The following HPD variants were observed in gnomAD, a reference collection of about 807,000 sequenced individuals.
The protein encoded by HPD is 4-hydroxyphenylpyruvic acid oxidase.
HPD carries 35 observed loss-of-function variants against 56.9 expected under a neutral mutation model. That is an observed-to-expected ratio of 0.62 (90% CI 0.47 to 0.82). The LOEUF is 0.82. Among genes scored for constraint, HPD ranks in the 40% least tolerant of loss-of-function variants. HPD has a pLI of 0.00. For missense variants in HPD, 442 were observed against 506.8 expected (o/e 0.87, Z 1.23); for synonymous variants, 186 against 200.2 (o/e 0.93, Z 0.60).
chr12:121,883,754 G>A, the HPD span, among the ~76,000 whole-genome samples: 5 of 150,136 alleles, frequency 3.3e-5, no homozygotes, highest in Non-Finnish European at 7.4e-5. Flanking sequence ...CCTAGGATCA[G>A]GGGATCCTCC....
rs571037595 is a variant in HPD at position 121,845,318 on chromosome 12, C to T, written c.832-1486G>A. On this transcript the variant is annotated intron_variant, in intron 11 of 13. Coordinates refer to ENST00000289004, the MANE Select transcript of HPD (RefSeq NM_002150.3). ...TTTTGTAAAGATGAGGTCTTATGGC[C>T]GGGCGCAGTGGCTCACACCTGTAAT... Among the ~76,000 whole-genome samples, 17 of 149,132 alleles carry T rather than the reference C, an allele frequency of 1.1e-4. No homozygotes were observed. The East Asian group carries it at 1.2e-3, about 10-fold the overall frequency.
chr12:121,878,398 G>T, the HPD span, among the ~76,000 whole-genome samples: 1 of 152,128 alleles, frequency 6.6e-6, no homozygotes, highest in South Asian at 2.1e-4. Context: ...GCCCAGGCTG[G>T]GGTATAGTGG....
upstream of HPD, among the ~76,000 whole-genome samples, chr12:121,867,798 A>G (rs2137647032): frequency 6.6e-6 from 1 of 152,170 alleles, no homozygotes; most frequent in Admixed American, 6.6e-5. Flanking sequence ...CTGGGATTAC[A>G]GGTGTCAGCC....
the HPD span, among the ~76,000 whole-genome samples, chr12:121,881,954 G>T: frequency 6.7e-6 from 1 of 149,976 alleles, no homozygotes; most frequent in Non-Finnish European, 1.5e-5. Flanking sequence ...CCTAATTTTC[G>T]TATTTTCATT....
chr12:121,847,368 T>C (rs1877623110), intron 9 of HPD, among the ~76,000 whole-genome samples, 154 bp from the exon 10 acceptor site: 1 of 152,066 alleles, frequency 6.6e-6, no homozygotes, highest in Non-Finnish European at 1.5e-5. Context: ...CTTTTTGTTG[T>C]TGTTGTTGCT....
chr12:121,881,138 C>T, the HPD span, among the ~76,000 whole-genome samples: 29 of 152,320 alleles, frequency 1.9e-4, no homozygotes, highest in Non-Finnish European at 1.9e-4. Context: ...CCACGCTCTG[C>T]CCAGGTACTA....
intron 12 of HPD, among the ~76,000 whole-genome samples, chr12:121,842,864 C>T (rs1877455902): frequency 6.6e-6 from 1 of 151,046 alleles, no homozygotes; most frequent in Non-Finnish European, 1.5e-5. Flanking sequence ...TCTCCTGCCT[C>T]AGCCTCCTGA....
At chr12:121,862,596 CTTTTTTTTTT>C (rs146807602), upstream of HPD, among the ~76,000 whole-genome samples, 2 of 43,092 alleles carry the variant, frequency 4.6e-5, no homozygotes, top group Non-Finnish European at 7.5e-5. Context: ...CGCTCTCGGC[CTTTTTTTTTT>C]TTTTTTTTTT....
rs1878008436 is a variant in HPD, at chr12:121,856,591, C to A, written c.233G>T (p.Trp78Leu). The A allele has an allele frequency of 6.2e-7, 1 of 1,614,098 alleles. No homozygotes were observed. Among genetic ancestry groups the A allele is most frequent in the Non-Finnish European group, 8.5e-7 (1 of 1,179,998 alleles). ...VFVLSSALNPWNKEMGDHLVK... is the reference protein window; with the variant it reads ...VFVLSSALNPLNKEMGDHLVK... ...CTCCCCGGGCACCTCACCTTTGTTCCAGGGGTTGAGCGCTGAGGAGAGGAC... is the reference window on the plus strand; with the variant it reads ...CTCCCCGGGCACCTCACCTTTGTTCAAGGGGTTGAGCGCTGAGGAGAGGAC... The change falls in exon 5 of 14, where the codon TGG becomes TTG. Residue 78 changes from tryptophan (W) to leucine (L), a missense_variant. By Grantham distance (61) the Trp-to-Leu change is moderately conservative. Transcript: ENST00000289004.
chr12:121,867,417 TTTTTCTTTTC>T (rs575144049), upstream of HPD, among the ~76,000 whole-genome samples: 1 of 151,808 alleles, frequency 6.6e-6, no homozygotes, highest in Non-Finnish European at 1.5e-5. Context: ...TACTTTCTTG[TTTTTCTTTTC>T]TTTTCTTTTT....
rs1027255516 is a variant in HPD at position 121,847,053 on chromosome 12, T to G, written c.758A>C (p.Gln253Pro). Residue 253 changes from glutamine to proline, a missense_variant and splice_region_variant, in exon 10 of 14, where the codon CAG becomes CCG. Coordinates refer to ENST00000289004, the MANE Select transcript of HPD (RefSeq NM_002150.3). Reference sequence around the variant, plus strand: ...TCCCCCAGCCAGGGGCGGCCTCACCTGGATCTGGGACTTCTTCTTGCCAGG... The same window carrying G: ...TCCCCCAGCCAGGGGCGGCCTCACCGGGATCTGGGACTTCTTCTTGCCAGG... The part of the protein sequence containing the change: ...PAPGKKKSQI[Q>P]EYVDYNGGAG... 3 of 1,614,038 alleles carry G rather than the reference T, an allele frequency of 1.9e-6. No individual in the cohort carries two copies. Among genetic ancestry groups the G allele is most frequent in the Non-Finnish European group, 2.5e-6 (3 of 1,180,032 alleles).
rs143874497 is a variant in HPD, at chr12:121,842,923, T to C, written c.954+787A>G. Among the ~76,000 whole-genome samples, 196 of 151,784 alleles carry C rather than the reference T, an allele frequency of 1.3e-3. 1 individual carries two copies. Among genetic ancestry groups the C allele is most frequent in the African/African-American group, 3.8e-3 (156 of 41,376 alleles). On this transcript the variant is annotated intron_variant, in intron 12 of 13. Transcript: ENST00000289004. ...TCACCACGCCTGGCTAATTTTTGTA[T>C]TTTTAGTAGAGGCAGGGTTTCACCA...
upstream of HPD, chr12:121,858,926 T>G (rs1001802041): frequency 1.4e-6 from 2 of 1,380,202 alleles, no homozygotes; most frequent in East Asian, 4.6e-5. Context: ...CTGGCCTACC[T>G]GGGGGATGGG....
intron 11 of HPD, among the ~76,000 whole-genome samples, chr12:121,844,358 C>A (rs1226947700): frequency 1.3e-5 from 2 of 151,974 alleles, no homozygotes; most frequent in African/African-American, 2.4e-5. Flanking sequence ...GCACTTTCTA[C>A]GTATTCCCTC....
rs79019721 is a variant in HPD at position 121,851,965 on chromosome 12, C to T, written c.415-2175G>A. On this transcript the variant is annotated intron_variant, in intron 7 of 13. Coordinates refer to ENST00000289004, the MANE Select transcript of HPD (RefSeq NM_002150.3). ...GTCTCGATCTCCTGACCTCGTGATC[C>T]GCCCGCCTCGGCCTCCCAAAGTGCT... is the stretch of plus-strand genomic sequence containing the variant. Among the ~76,000 whole-genome samples, 2 of 5,778 alleles carry T rather than the reference C, an allele frequency of 3.5e-4. 1 individual carries two copies. Among genetic ancestry groups the T allele is most frequent in the East Asian group, 0.012 (2 of 162 alleles). 3.8% of individuals were successfully genotyped at this position (5,778 alleles called of 152,430 possible). A position where few individuals can be genotyped will look rare whatever the true frequency, so the allele number is the denominator to read the frequency against.
intron 4 of HPD, 30 bp downstream of exon 4, chr12:121,857,298 T>C: frequency 7.1e-7 from 1 of 1,413,796 alleles, no homozygotes; most frequent in South Asian, 1.1e-5. Context: ...CAGGCAGGGG[T>C]TGGGGGCTGT....
At position 121,856,641 on chromosome 12, in the gene HPD, AAGG is replaced by A. The variant is rs765994601; in HGVS notation, c.199-19_199-17del. 2 of 1,613,888 alleles carry A rather than the reference AAGG, an allele frequency of 1.2e-6. No individual in the cohort carries two copies. The highest frequency in any genetic ancestry group is 1.7e-6 in the Non-Finnish European group (2 of 1,179,850). Reference sequence around the variant, plus strand: ...CAAACACAATCTAAGATAGGAGGAGAAGGAGGTGAGGCTAGTGGCTCAGGGGGG... The same window carrying A: ...CAAACACAATCTAAGATAGGAGGAGAAGGTGAGGCTAGTGGCTCAGGGGGG... On this transcript the variant is annotated splice_polypyrimidine_tract_variant and intron_variant, in intron 4 of 13. Coordinates refer to ENST00000289004, the MANE Select transcript of HPD (RefSeq NM_002150.3).
chr12:121,849,862 C>G (rs143093488), intron 7 of HPD, 72 bp from the exon 8 acceptor site: 18 of 1,001,000 alleles, frequency 1.8e-5, no homozygotes, highest in Non-Finnish European at 9.5e-6. Flanking sequence ...CATTTCATAG[C>G]GCTAACGTAG....
At chr12:121,871,557 G>A in the HPD span, among the ~76,000 whole-genome samples, 1 of 152,182 alleles carries the variant, frequency 6.6e-6, no homozygotes, top group Non-Finnish European at 1.5e-5. Flanking sequence ...ACCAGAGCAG[G>A]TGAAGGCTGG....
Sources: allele counts gnomAD v4.1 joint callset (sites outside exome capture counted in the v4.1 genomes callset), GRCh38; gene constraint gnomAD v4.1.1; transcripts MANE v1.5; gene names NCBI Gene and HGNC (gene_info 2026-07-23, HGNC 2026-07-21).